PRKACA: variants seen among roughly 807,000 people sequenced by gnomAD.
PRKACA encodes protein kinase cAMP-activated catalytic subunit alpha, also known as cAMP-dependent protein kinase catalytic subunit alpha.
PRKACA carries 9 observed loss-of-function variants against 45.8 expected under a neutral mutation model. That is an observed-to-expected ratio of 0.20 (90% CI 0.12 to 0.34). The LOEUF (loss-of-function observed/expected upper bound fraction) is 0.34, where lower values mean the gene tolerates loss of function less well. Among genes scored for constraint, PRKACA ranks in the 10% least tolerant of loss-of-function variants. The probability of loss-of-function intolerance (pLI) is 1.00; values close to 1 mark genes in which losing one functional copy is unlikely to be tolerated. For missense variants in PRKACA, 238 were observed against 458.6 expected, an observed-to-expected ratio of 0.52 and a Z score of 4.39; for synonymous variants, 160 against 178.6, an observed-to-expected ratio of 0.90 and a Z score of 0.83.
intron 1 of PRKACA, among the ~76,000 whole-genome samples, chr19:14,111,914 G>A (rs186300247): frequency 1.4e-4 from 22 of 152,318 alleles, no homozygotes; most frequent in African/African-American, 3.8e-4. Flanking sequence ...GGTCTGGTCC[G>A]TTTTCCCTTT....
intron 3 of PRKACA, among the ~76,000 whole-genome samples, chr19:14,106,230 G>T (rs1383967584): frequency 6.6e-6 from 1 of 152,158 alleles, no homozygotes; most frequent in East Asian, 1.9e-4. Flanking sequence ...GCCAGGCATG[G>T]TAGTGTGCGC....
At chr19:14,116,273 T>C (rs1402712993) in intron 1 of PRKACA, among the ~76,000 whole-genome samples, 2 of 152,172 alleles carry the variant, frequency 1.3e-5, no homozygotes, top group African/African-American at 4.8e-5. Flanking sequence ...TCAAGACCAT[T>C]TCTGATGGTA....
At chr19:14,104,512 C>T (rs568085179) in intron 3 of PRKACA, among the ~76,000 whole-genome samples, 27 of 149,110 alleles carry the variant, frequency 1.8e-4, no homozygotes, top group African/African-American at 5.2e-4. Flanking sequence ...CTGGCTAACA[C>T]GGTGAAACCC....
chr19:14,104,688 T>C (rs1599343334), intron 3 of PRKACA, among the ~76,000 whole-genome samples: 4 of 117,716 alleles, frequency 3.4e-5, no homozygotes, highest in Admixed American at 1.0e-4. Context: ...AGAGCGAGAC[T>C]CCATCTCAAA....
Position 14,116,859 on chromosome 19 carries a change from G to C in PRKACA, c.46+643C>G, listed in dbSNP as rs1009354610. 4.6e-5 allele frequency among the ~76,000 whole-genome samples: 7 copies of C among 152,032 alleles called. No individual in the cohort carries two copies. The East Asian group carries it at 1.2e-3, about 25-fold the overall frequency. On this transcript the variant is annotated intron_variant, in intron 1 of 9. Coordinates refer to ENST00000308677, the MANE Select transcript of PRKACA (RefSeq NM_002730.4). ...ACAGAGTGACAGGATGAGAGAGGCAGAGGGACCCAGAAAGATCCTGTCCCC... is the reference window on the plus strand; with the variant it reads ...ACAGAGTGACAGGATGAGAGAGGCACAGGGACCCAGAAAGATCCTGTCCCC...
At chr19:14,093,333 C>G (rs531409321) in intron 9 of PRKACA, 96 bp from the exon 10 acceptor site, 7 of 1,486,592 alleles carry the variant, frequency 4.7e-6, no homozygotes, top group African/African-American at 4.2e-5. Context: ...GAGATATTTA[C>G]TCTGACTCAG....
chr19:14,100,996 A>T (rs560841921), intron 4 of PRKACA, 88 bp from the exon 5 acceptor site: 1 of 1,165,688 alleles, frequency 8.6e-7, no homozygotes, highest in Non-Finnish European at 1.3e-6. Context: ...CTGGTGTTCA[A>T]ACATTAAATG....
rs1977428684 is a variant in PRKACA at position 14,101,073 on chromosome 19, T to C, written c.337-165A>G. On this transcript the variant is annotated intron_variant, in intron 4 of 9. Coordinates refer to ENST00000308677, the MANE Select transcript of PRKACA (RefSeq NM_002730.4). ...GGGGCGACCCTTATCCTGCTGTTAA[T>C]GGGTGAAAGTGAGGGCTGGCTCAGA... The C allele has an allele frequency of 6.4e-6, 4 of 621,072 alleles. No individual in the cohort carries two copies. In the Admixed American group the frequency reaches 9.9e-5, roughly 15 times the overall value. 38.5% of individuals were successfully genotyped at this position (621,072 alleles called of 1,614,324 possible). A position where few individuals can be genotyped will look rare whatever the true frequency, so the allele number is the denominator to read the frequency against.
chr19:14,107,353 C>T lies in PRKACA; in HGVS notation c.103G>A (p.Ala35Thr), dbSNP rs142045517. The part of the protein sequence containing the change: ...EDFLKKWESP[A>T]QNTAHLDQFE... ...TCTGCACCCGGCAGCCTTACCTGAGCGGGACTTTCCCATTTTTTAAGAAAA... is the reference window on the plus strand; with the variant it reads ...TCTGCACCCGGCAGCCTTACCTGAGTGGGACTTTCCCATTTTTTAAGAAAA... Residue 35 changes from alanine to threonine, a missense_variant, in exon 2 of 10, where the codon GCT (alanine) becomes ACT (threonine). This residue lies in a region of PRKACA where 93 missense variants were observed against 149.1 expected (regional missense o/e 0.62). Coordinates refer to ENST00000308677, the MANE Select transcript of PRKACA (RefSeq NM_002730.4). 24 of 1,613,870 alleles carry T rather than the reference C, an allele frequency of 1.5e-5. No homozygotes were observed. Among genetic ancestry groups the T allele is most frequent in the South Asian group, 3.3e-5 (3 of 91,084 alleles).
intron 1 of PRKACA, among the ~76,000 whole-genome samples, chr19:14,109,481 G>A (rs1409287095): frequency 6.6e-6 from 1 of 151,724 alleles, no homozygotes; most frequent in Non-Finnish European, 1.5e-5. Context: ...CAGGCGTGGT[G>A]GTGATGTGTG....
At chr19:14,106,663 C>A in intron 3 of PRKACA, 97 bp downstream of exon 3, 1 of 1,519,904 alleles carries the variant, frequency 6.6e-7, no homozygotes, top group Non-Finnish European at 9.0e-7. Context: ...CAAAAAAAAG[C>A]AAGTGAGTGA....
chr19:14,095,587 C>T (rs1396528903), intron 8 of PRKACA, among the ~76,000 whole-genome samples: 2 of 152,082 alleles, frequency 1.3e-5, no homozygotes, highest in East Asian at 1.9e-4. Flanking sequence ...GGCGCAATCT[C>T]GGCTCACTAC....
intron 9 of PRKACA, 119 bp from the exon 10 acceptor site, chr19:14,093,356 C>T: frequency 7.3e-7 from 1 of 1,361,484 alleles, no homozygotes; most frequent in South Asian, 1.4e-5. Context: ...CTGTGCTTAC[C>T]ATTAGGTTAT....
intron 4 of PRKACA, among the ~76,000 whole-genome samples, chr19:14,101,608 C>T (rs1977446955): frequency 6.6e-6 from 1 of 151,922 alleles, no homozygotes; most frequent in African/African-American, 2.4e-5. Flanking sequence ...CACCTGCAAT[C>T]CCAGCACTTT....
At chr19:14,107,599 C>T (rs1977651064) in intron 1 of PRKACA, 190 bp from the exon 2 acceptor site, 1 of 1,311,046 alleles carries the variant, frequency 7.6e-7, no homozygotes, top group Non-Finnish European at 1.0e-6. Flanking sequence ...AGGTGGGATC[C>T]AGCTGCCACT....
intron 2 of PRKACA, 59 bp from the exon 3 acceptor site, chr19:14,106,947 AGGTCTGGGGC>A: frequency 6.3e-7 from 1 of 1,591,668 alleles, no homozygotes; most frequent in South Asian, 1.1e-5. Context: ...TGCTTGGCTA[AGGTCTGGGGC>A]ATCCCCTCTG....
Position 14,097,501 on chromosome 19 carries a change from G to A in PRKACA, c.643-18C>T, listed in dbSNP as rs776617544. The stretch of plus-strand genomic sequence containing the variant: ...TTGTAGCCCTGGAGCAAGATGGGGG[G>A]GCACAGGGTGAGGAGGAGGCGAGAG... On this transcript the variant is annotated intron_variant, in intron 7 of 9. Transcript: ENST00000308677. The surrounding 1 kb of genome is among the most constrained non-coding windows in gnomAD (Gnocchi z 5.4). The A allele has an allele frequency of 1.9e-6, 3 of 1,613,964 alleles. No individual in the cohort carries two copies. Among genetic ancestry groups the A allele is most frequent in the Admixed American group, 3.3e-5 (2 of 60,000 alleles).
chr19:14,117,534 G>A lies in PRKACA; in HGVS notation c.14C>T (p.Ala5Val). 2 of 1,224,120 alleles carry A rather than the reference G, an allele frequency of 1.6e-6. No individual in the cohort carries two copies. Among genetic ancestry groups the A allele is most frequent in the Non-Finnish European group, 2.0e-6 (2 of 980,030 alleles). The allele number at this position is 1,224,120 out of a possible 1,614,324, so 75.8% of individuals were successfully genotyped here. The change falls in exon 1 of 10, where the codon GCC becomes GTC. Residue 5 changes from alanine (A) to valine (V), a missense_variant. Ala to Val is a moderately conservative substitution (Grantham distance 64, BLOSUM62 0). Around this residue, in one of 3 missense-constraint regions of PRKACA, gnomAD observed 93 missense variants for 149.1 expected, o/e 0.62. Transcript: ENST00000308677. Reference protein sequence around the residue: MGNAAAAKKGSEQES... With the variant: MGNAVAAKKGSEQES... The stretch of plus-strand genomic sequence containing the variant: ...CTGCTCGCTGCCCTTCTTGGCGGCG[G>A]CGGCGTTGCCCATCGCGGCGGCGGC...
intron 9 of PRKACA, 71 bp from the exon 10 acceptor site, chr19:14,093,308 T>A: frequency 6.4e-7 from 1 of 1,554,858 alleles, no homozygotes; most frequent in South Asian, 1.2e-5. Flanking sequence ...TAAATGCGAA[T>A]GGCCTAACAT....
Sources: allele counts gnomAD v4.1 joint callset (sites outside exome capture counted in the v4.1 genomes callset), GRCh38; gene constraint gnomAD v4.1.1; regional missense constraint gnomAD v4.1.1; non-coding constraint Gnocchi (gnomAD v3.1); transcripts MANE v1.5; gene names NCBI Gene and HGNC (gene_info 2026-07-23, HGNC 2026-07-21).